Variants in AHCY observed in about 807,000 individuals in gnomAD.
The protein encoded by AHCY is S-adenosyl-L-homocysteine hydrolase.
Under a neutral mutation model 45.4 loss-of-function variants are expected in AHCY, and 24 were observed. The ratio of observed to expected loss-of-function variants is 0.53; its 90% CI spans 0.38 to 0.74. The LOEUF is 0.74. Ranked by LOEUF, AHCY falls within the 30% of genes least tolerant of loss-of-function variation. AHCY has a pLI of 0.00. For missense variants in AHCY, 449 were observed against 594.1 expected (o/e 0.76, Z 2.54); for synonymous variants, 245 against 235.1 (o/e 1.04, Z -0.39).
At chr20:34,284,122 A>G (rs1458937412) in intron 9 of AHCY, among the ~76,000 whole-genome samples, 1 of 152,188 alleles carries the variant, frequency 6.6e-6, no homozygotes, top group Non-Finnish European at 1.5e-5. Flanking sequence ...CTTCATGAGT[A>G]TGCAGACCAT....
chr20:34,269,907 G>GCA, the AHCY span, among the ~76,000 whole-genome samples: 1 of 128,138 alleles, frequency 7.8e-6, no homozygotes, highest in Non-Finnish European at 1.6e-5. Flanking sequence ...TCACGCCGTT[G>GCA]CACTCCAGCC....
intron 3 of AHCY, 147 bp from the exon 4 acceptor site, chr20:34,292,654 C>A (rs576333699): frequency 8.4e-7 from 1 of 1,187,826 alleles, no homozygotes. Context: ...GTGGTCAGGA[C>A]ACAACTTGGA....
At chr20:34,238,615 T>C in the AHCY span, among the ~76,000 whole-genome samples, 1 of 152,246 alleles carries the variant, frequency 6.6e-6, no homozygotes, top group South Asian at 2.1e-4. Context: ...TCTAAGACAA[T>C]TGTTTTAATA....
At position 34,293,897 on chromosome 20, in the gene AHCY, C is replaced by A. The variant is rs1307501351; in HGVS notation, c.295+184G>T. On this transcript the variant is annotated intron_variant, in intron 3 of 9. Coordinates refer to ENST00000217426, the MANE Select transcript of AHCY (RefSeq NM_000687.4). ...GACCTGGGTCAATAAACAACTTCCA[C>A]AGGATTTTAGATGATGATGGGACAA... The A allele has an allele frequency of 1.7e-5, 12 of 689,522 alleles. No homozygotes were observed. The East Asian group carries it at 3.0e-4, about 17-fold the overall frequency. 42.7% of individuals were successfully genotyped at this position (689,522 alleles called of 1,614,324 possible).
chr20:34,279,923 T>C (rs576791260), downstream of AHCY, among the ~76,000 whole-genome samples: 3 of 152,148 alleles, frequency 2.0e-5, no homozygotes, highest in African/African-American at 4.8e-5. Context: ...GCTAACATGG[T>C]AAAACCCCGT....
At chr20:34,237,243 G>A in the AHCY span, among the ~76,000 whole-genome samples, 2 of 141,962 alleles carry the variant, frequency 1.4e-5, no homozygotes, top group African/African-American at 6.2e-5. Context: ...ATTTTAGAAT[G>A]GGTTTTTTTT....
rs1038670760 is a variant in AHCY, at chr20:34,290,691, T to C, written c.766+40A>G. ...TCTACGGTGGCCTTGCCCCTCCCTC[T>C]GGCCCCAGTGGCTGACAACCAACCC... On this transcript the variant is annotated intron_variant, in intron 6 of 9. Coordinates refer to ENST00000217426, the MANE Select transcript of AHCY (RefSeq NM_000687.4). The surrounding 1 kb of genome is among the most constrained non-coding windows in gnomAD (Gnocchi z 4.5). The C allele has an allele frequency of 1.9e-6, 3 of 1,613,818 alleles. No homozygotes were observed. The Admixed American group carries it at 5.0e-5, about 27-fold the overall frequency.
the AHCY span, among the ~76,000 whole-genome samples, chr20:34,263,675 CT>C: frequency 5.0e-3 from 631 of 126,372 alleles, 6 homozygotes; most frequent in African/African-American, 0.016. Flanking sequence ...TTTTTTTTTT[CT>C]TTTTTTTTGA....
At chr20:34,257,308 C>T in the AHCY span, among the ~76,000 whole-genome samples, 1 of 151,994 alleles carries the variant, frequency 6.6e-6, no homozygotes, top group South Asian at 2.1e-4. Context: ...CCAGGTCGAA[C>T]TCCTGACCCC....
upstream of AHCY, among the ~76,000 whole-genome samples, chr20:34,307,009 G>A (rs1197763976): frequency 2.0e-5 from 3 of 152,178 alleles, no homozygotes; most frequent in Admixed American, 2.0e-4. Context: ...ATCATTGTCA[G>A]TATCCTAGTT....
the AHCY span, among the ~76,000 whole-genome samples, chr20:34,248,829 G>T: frequency 2.2e-4 from 33 of 151,556 alleles, no homozygotes; most frequent in African/African-American, 3.1e-4. Flanking sequence ...ATATTCAGCA[G>T]AATATGTTGT....
At chr20:34,232,100 A>G in the AHCY span, among the ~76,000 whole-genome samples, 1 of 152,246 alleles carries the variant, frequency 6.6e-6, no homozygotes, top group African/African-American at 2.4e-5. Context: ...GAAGGTCTAC[A>G]CATGTGGTAA....
the AHCY span, among the ~76,000 whole-genome samples, chr20:34,249,000 A>G: frequency 2.0e-5 from 3 of 151,580 alleles, no homozygotes; most frequent in Admixed American, 6.6e-5. Context: ...GTGGTGGCAC[A>G]TGCCTGTAGT....
At position 34,292,400 on chromosome 20, in the gene AHCY, G is replaced by A; in HGVS notation, c.403C>T (p.Leu135Phe). 1 of 1,613,674 alleles carries A rather than the reference G, an allele frequency of 6.2e-7. No individual in the cohort carries two copies. Among genetic ancestry groups the A allele is most frequent in the Non-Finnish European group, 8.5e-7 (1 of 1,180,034 alleles). ...TACTTGGTGTGGATGAGGTTGGTGA[G>A]GTCGCCCCCGTCGTCCAGAATCATG... ...LNMILDDGGD[L>F]TNLIHTKYPQ... Residue 135 changes from leucine (L) to phenylalanine (F), a missense_variant, in exon 4 of 10, where the codon CTC becomes TTC. Coordinates refer to ENST00000217426, the MANE Select transcript of AHCY (RefSeq NM_000687.4).
chr20:34,290,895 T>C lies in AHCY; in HGVS notation c.602A>G (p.Asp201Gly), dbSNP rs778793324. 1 of 1,613,972 alleles carries C rather than the reference T, an allele frequency of 6.2e-7. No individual in the cohort carries two copies. The highest frequency in any genetic ancestry group is 8.5e-7 in the Non-Finnish European group (1 of 1,179,988). The change falls in exon 6 of 10, where the codon GAT (aspartate) becomes GGT (glycine). Residue 201 changes from aspartate (D) to glycine (G), a missense_variant. Physicochemically the swap from Asp to Gly is moderately conservative, Grantham distance 94. Transcript: ENST00000217426. The surrounding 1 kb of genome is among the most constrained non-coding windows in gnomAD (Gnocchi z 4.5). ...NLYGCRESLI[D>G]GIKRATDVMI... ...CACATCTGTGGCCCGCTTGATGCCA[T>C]CTATGAGGGACTCCCGGCAGCCATA...
chr20:34,239,987 T>C, the AHCY span, among the ~76,000 whole-genome samples: 1 of 152,214 alleles, frequency 6.6e-6, no homozygotes, highest in Non-Finnish European at 1.5e-5. Flanking sequence ...TTTAAAGCAT[T>C]CTATTTTGGA....
intron 1 of AHCY, among the ~76,000 whole-genome samples, chr20:34,297,899 G>C (rs1326582463): frequency 6.6e-6 from 1 of 152,156 alleles, no homozygotes. Flanking sequence ...AACACTTTGG[G>C]AGGCCAAGGT....
chr20:34,252,253 C>T, the AHCY span, among the ~76,000 whole-genome samples: 8 of 152,128 alleles, frequency 5.3e-5, no homozygotes, highest in Admixed American at 1.3e-4. Context: ...ACAGAGGACC[C>T]GCACTGGTGC....
intron 1 of AHCY, 148 bp from the exon 2 acceptor site, chr20:34,295,733 G>A: frequency 3.5e-6 from 3 of 848,914 alleles, no homozygotes; most frequent in Admixed American, 4.1e-5. Flanking sequence ...CATGCAACAA[G>A]TATTTATGAA....
Sources: allele counts gnomAD v4.1 joint callset (sites outside exome capture counted in the v4.1 genomes callset), GRCh38; gene constraint gnomAD v4.1.1; non-coding constraint Gnocchi (gnomAD v3.1); transcripts MANE v1.5; gene names NCBI Gene and HGNC (gene_info 2026-07-23, HGNC 2026-07-21).